Variants in DCC observed in about 807,000 individuals in gnomAD.
DCC encodes the protein netrin receptor DCC.
Under a neutral mutation model 172.5 loss-of-function variants are expected in DCC, and 58 were observed. The ratio of observed to expected loss-of-function variants is 0.34; its 90% CI spans 0.27 to 0.42. The LOEUF (loss-of-function observed/expected upper bound fraction) is 0.42, where lower values mean the gene tolerates loss of function less well. Among genes scored for constraint, DCC ranks in the 10% least tolerant of loss-of-function variants. DCC has a pLI of 1.00. For missense variants in DCC, 1,740 were observed against 1,791.0 expected, an observed-to-expected ratio of 0.97 and a Z score of 0.51; for synonymous variants, 709 against 644.5, an observed-to-expected ratio of 1.10 and a Z score of -1.52.
intron 7 of DCC, among the ~76,000 whole-genome samples, chr18:53,125,362 T>A (rs1258858137): frequency 6.6e-6 from 1 of 152,092 alleles, no homozygotes; most frequent in Non-Finnish European, 1.5e-5. Flanking sequence ...CTCTTTAAGT[T>A]CTAAGGGCAC....
At chr18:52,821,292 T>G (rs537582108) in intron 2 of DCC, among the ~76,000 whole-genome samples, 1 of 152,286 alleles carries the variant, frequency 6.6e-6, no homozygotes, top group South Asian at 2.1e-4. Flanking sequence ...ACATTCCACA[T>G]GCCCTCCCCT....
chr18:52,371,325 G>A (rs972294058), intron 1 of DCC, among the ~76,000 whole-genome samples: 2 of 152,212 alleles, frequency 1.3e-5, no homozygotes, highest in Non-Finnish European at 2.9e-5. Context: ...AGTGAAAATA[G>A]TGTTTCTGCT....
At chr18:53,329,661 T>G (rs1264048202) in intron 14 of DCC, among the ~76,000 whole-genome samples, 1 of 152,142 alleles carries the variant, frequency 6.6e-6, no homozygotes, top group Admixed American at 6.5e-5. Context: ...ATTATTACAT[T>G]AGTTATTTCC....
At chr18:53,391,069 A>G (rs1003814776) in intron 16 of DCC, among the ~76,000 whole-genome samples, 14 of 152,184 alleles carry the variant, frequency 9.2e-5, no homozygotes, top group Non-Finnish European at 1.6e-4. Context: ...TCACAGCCAC[A>G]CACAGGTTGC....
chr18:52,439,828 C>T (rs549680471), intron 1 of DCC, among the ~76,000 whole-genome samples: 77 of 152,190 alleles, frequency 5.1e-4, no homozygotes, highest in African/African-American at 1.6e-3. Context: ...GCGAGTATTA[C>T]GCATTGCATG....
At position 52,749,129 on chromosome 18, in the gene DCC, T is replaced by C. The variant is rs1599071762; in HGVS notation, c.92-2925T>C. Among the ~76,000 whole-genome samples the C allele has an allele frequency of 1.3e-5, 2 of 151,770 alleles. 1 individual carries two copies. Among genetic ancestry groups the C allele is most frequent in the South Asian group, 4.2e-4 (2 of 4,810 alleles). On this transcript the variant is annotated intron_variant, in intron 1 of 28. Transcript: ENST00000442544. ...GCAGGAGAGTCACCTGAGGCGGAGGTTGCAGTGAGCCAAGATCGCATCACT... is the reference window on the plus strand; with the variant it reads ...GCAGGAGAGTCACCTGAGGCGGAGGCTGCAGTGAGCCAAGATCGCATCACT...
chr18:52,488,708 G>C (rs960679105), intron 1 of DCC, among the ~76,000 whole-genome samples: 1 of 152,034 alleles, frequency 6.6e-6, no homozygotes, highest in Non-Finnish European at 1.5e-5. Context: ...TAAATGCAAC[G>C]TTTCAAGCTA....
intron 14 of DCC, among the ~76,000 whole-genome samples, chr18:53,327,319 C>T (rs1304135091): frequency 6.6e-6 from 1 of 151,392 alleles, no homozygotes; most frequent in African/African-American, 2.4e-5. Flanking sequence ...AAAAAAAAAG[C>T]AAACCAAGAT....
chr18:52,962,117 TTAAAC>T (rs1436646664), intron 5 of DCC, among the ~76,000 whole-genome samples: 1 of 149,866 alleles, frequency 6.7e-6, no homozygotes, highest in Non-Finnish European at 1.5e-5. Flanking sequence ...TGGGATCTAA[TTAAAC>T]TAAAGAGCTT....
intron 1 of DCC, among the ~76,000 whole-genome samples, chr18:52,453,867 A>G (rs545244594): frequency 6.6e-6 from 1 of 152,338 alleles, no homozygotes; most frequent in East Asian, 1.9e-4. Flanking sequence ...CAGATTAACT[A>G]TAGAAGCATT....
chr18:53,135,717 A>G (rs1204551852), intron 7 of DCC, among the ~76,000 whole-genome samples: 1 of 152,138 alleles, frequency 6.6e-6, no homozygotes, highest in Non-Finnish European at 1.5e-5. Flanking sequence ...GGGAAGAAAC[A>G]GTGTTCAGCA....
intron 24 of DCC, among the ~76,000 whole-genome samples, chr18:53,462,112 A>G (rs1052001384): frequency 6.6e-6 from 1 of 152,182 alleles, no homozygotes; most frequent in African/African-American, 2.4e-5. Context: ...TTTTGTGGAC[A>G]CGTGGGCTAA....
chr18:52,851,261 TTGG>T (rs749617430), intron 2 of DCC, among the ~76,000 whole-genome samples: 7 of 152,156 alleles, frequency 4.6e-5, no homozygotes, highest in Non-Finnish European at 7.4e-5. Flanking sequence ...TGGATCATTC[TTGG>T]TGTTTATTCA....
chr18:52,795,231 T>C (rs915168349), intron 2 of DCC, among the ~76,000 whole-genome samples: 1 of 152,070 alleles, frequency 6.6e-6, no homozygotes, highest in African/African-American at 2.4e-5. Context: ...TTTGATAAAA[T>C]GCAGAATTAA....
At chr18:52,351,382 G>C (rs1032307880) in intron 1 of DCC, among the ~76,000 whole-genome samples, 1 of 152,082 alleles carries the variant, frequency 6.6e-6, no homozygotes, top group Non-Finnish European at 1.5e-5. Context: ...CCTAATCTCA[G>C]TACAATGATT....
chr18:52,485,479 C>G (rs530320230), intron 1 of DCC, among the ~76,000 whole-genome samples: 5 of 152,184 alleles, frequency 3.3e-5, no homozygotes, highest in South Asian at 4.1e-4. Context: ...TTTCTTCCAT[C>G]TTATGAAATG....
At chr18:53,526,488 A>ATCTT (rs2046456801) in intron 27 of DCC, 129 bp from the exon 28 acceptor site, 2 of 998,422 alleles carry the variant, frequency 2.0e-6, no homozygotes, top group South Asian at 1.3e-5. Flanking sequence ...GTCAGAATTC[A>ATCTT]TCTTTACACT....
intron 1 of DCC, among the ~76,000 whole-genome samples, chr18:52,719,610 C>CAAA (rs34309683): frequency 4.8e-5 from 7 of 146,082 alleles, no homozygotes; most frequent in Non-Finnish European, 1.1e-4. Context: ...ATCTAAGGAA[C>CAAA]AAAAAAAAAA....
chr18:53,305,646 T>G lies in DCC; in HGVS notation c.1980T>G (p.Ile660Met). The G allele has an allele frequency of 6.2e-7, 1 of 1,614,012 alleles. No homozygotes were observed. Among genetic ancestry groups the G allele is most frequent in the Non-Finnish European group, 8.5e-7 (1 of 1,179,872 alleles). The change falls in exon 13 of 29, where the codon ATT becomes ATG. Residue 660 changes from isoleucine (I) to methionine (M), a missense_variant. Ile to Met is a conservative substitution (Grantham distance 10). Around this residue, in one of 2 missense-constraint regions of DCC, gnomAD observed 1,732 missense variants for 1,767.4 expected, o/e 0.98. Coordinates refer to ENST00000442544, the MANE Select transcript of DCC (RefSeq NM_005215.4). ...ATGGATTTATTACCGGCTATAAAAT[T>G]CGACACAGAAAGACGACCCGCAGGG... ...TQNGFITGYK[I>M]RHRKTTRRGE...
Sources: gnomAD v4.1 joint callset for allele counts (sites outside exome capture counted in the v4.1 genomes callset) on GRCh38, gnomAD v4.1.1 for gene constraint, gnomAD v4.1.1 regional missense constraint, MANE v1.5 for transcripts, NCBI Gene and HGNC (gene_info 2026-07-23, HGNC 2026-07-21) for gene names.